MAPKAPK3: variants seen among roughly 807,000 people sequenced by gnomAD.
The protein encoded by MAPKAPK3 is MAPK activated protein kinase 3.
In MAPKAPK3, 35 loss-of-function variants were observed where a neutral mutation model predicts 49.2. The observed-to-expected ratio is 0.71, with a 90% CI of 0.54 to 0.94. MAPKAPK3 has a LOEUF of 0.94. Among genes scored for constraint, MAPKAPK3 ranks in the 40% least tolerant of loss-of-function variants. The pLI, the probability that MAPKAPK3 is intolerant of heterozygous loss-of-function variation, is 0.00. For synonymous variants in MAPKAPK3, 178 were observed against 188.7 expected, an observed-to-expected ratio of 0.94 and a Z score of 0.46; for missense variants, 398 against 493.1, an observed-to-expected ratio of 0.81 and a Z score of 1.83.
At chr3:50,645,584 C>A (rs535832759) in intron 6 of MAPKAPK3, 126 bp from the exon 7 acceptor site, 26 of 672,706 alleles carry the variant, frequency 3.9e-5, no homozygotes, top group Non-Finnish European at 6.6e-5. Flanking sequence ...AGGTGCCAGA[C>A]GCCAGTCTGC....
At chr3:50,624,134 T>C (rs1327982420) in intron 2 of MAPKAPK3, among the ~76,000 whole-genome samples, 1 of 152,042 alleles carries the variant, frequency 6.6e-6, no homozygotes, top group African/African-American at 2.4e-5. Context: ...AGTGGGCGAG[T>C]GGAAACTGTA....
At position 50,638,094 on chromosome 3, in the gene MAPKAPK3, T is replaced by C. The variant is rs190529396; in HGVS notation, c.220-2272T>C. Reference sequence around the variant, plus strand: ...TAATGAAAGCATTCCAGCTGTGAGCTTGGACTTTTAAGAGAGAAGAGGAGG... The same window carrying C: ...TAATGAAAGCATTCCAGCTGTGAGCCTGGACTTTTAAGAGAGAAGAGGAGG... On this transcript the variant is annotated intron_variant, in intron 2 of 10. Coordinates refer to ENST00000621469, the MANE Select transcript of MAPKAPK3 (RefSeq NM_001243925.2). 3.3e-5 allele frequency among the ~76,000 whole-genome samples: 5 copies of C among 152,170 alleles called. No homozygotes were observed. In the East Asian group the frequency reaches 7.8e-4, roughly 24 times the overall value.
At chr3:50,647,728 G>A (rs1184880884) in intron 10 of MAPKAPK3, among the ~76,000 whole-genome samples, 166 bp from the exon 11 acceptor site, 2 of 152,266 alleles carry the variant, frequency 1.3e-5, no homozygotes, top group Non-Finnish European at 2.9e-5. Flanking sequence ...GGACGGTAGT[G>A]AGGATCATGT....
upstream of MAPKAPK3, among the ~76,000 whole-genome samples, chr3:50,614,500 A>AGTGTGTGTGT (rs3066739): frequency 0.013 from 1,860 of 138,902 alleles, 37 homozygotes; most frequent in African/African-American, 0.031. Context: ...GTAAGGACAG[A>AGTGTGTGTGT]GTGTGTGTGT....
intron 2 of MAPKAPK3, among the ~76,000 whole-genome samples, chr3:50,625,932 G>A (rs1232771537): frequency 1.3e-5 from 2 of 152,088 alleles, no homozygotes; most frequent in Non-Finnish European, 1.5e-5. Flanking sequence ...TGGGGGTGGG[G>A]AAGGAAGGAG....
intron 2 of MAPKAPK3, among the ~76,000 whole-genome samples, chr3:50,623,094 T>A (rs1255302552): frequency 6.6e-6 from 1 of 152,200 alleles, no homozygotes; most frequent in Non-Finnish European, 1.5e-5. Flanking sequence ...TCCCCTCACC[T>A]ACCATCTCCA....
At chr3:50,620,661 A>AGCCCCTTT (rs1462401144) in intron 2 of MAPKAPK3, among the ~76,000 whole-genome samples, 4 of 152,272 alleles carry the variant, frequency 2.6e-5, no homozygotes, top group Admixed American at 6.5e-5. Context: ...GCTTTCCCTT[A>AGCCCCTTT]GCCCCTGACC....
upstream of MAPKAPK3, chr3:50,612,492 A>G (rs2032360371): frequency 6.6e-6 from 1 of 152,300 alleles, no homozygotes. Flanking sequence ...ACTGAGGTCA[A>G]GCCGGCGGTC....
At chr3:50,637,697 GA>G in intron 2 of MAPKAPK3, among the ~76,000 whole-genome samples, 1 of 8,026 alleles carries the variant, frequency 1.2e-4, no homozygotes, top group Non-Finnish European at 8.3e-4. Context: ...GAGAGAAAGA[GA>G]GAGAGAGAGA....
At chr3:50,627,000 G>T (rs776954627) in intron 2 of MAPKAPK3, among the ~76,000 whole-genome samples, 1 of 152,132 alleles carries the variant, frequency 6.6e-6, no homozygotes, top group South Asian at 2.1e-4. Context: ...CGAGATCAGC[G>T]TGGTGAAACC....
Position 50,646,840 on chromosome 3 carries a change from C to T in MAPKAPK3, c.915+15C>T. On this transcript the variant is annotated intron_variant, in intron 9 of 10. Coordinates refer to ENST00000621469, the MANE Select transcript of MAPKAPK3 (RefSeq NM_001243925.2). Reference sequence around the variant, plus strand: ...CCTGGATCAACGTGAGCCCCTCCTCCTCCCATGGCAGGCAGGGTGTCCAAC... The same window carrying T: ...CCTGGATCAACGTGAGCCCCTCCTCTTCCCATGGCAGGCAGGGTGTCCAAC... 1 of 1,612,930 alleles carries T rather than the reference C, an allele frequency of 6.2e-7. No homozygotes were observed. Among genetic ancestry groups the T allele is most frequent in the Non-Finnish European group, 8.5e-7 (1 of 1,179,024 alleles).
chr3:50,643,105 G>A (rs1039402616), intron 5 of MAPKAPK3, among the ~76,000 whole-genome samples: 4 of 152,140 alleles, frequency 2.6e-5, no homozygotes, highest in Admixed American at 6.5e-5. Context: ...GCCCGCCTCG[G>A]CCTCGAAAAG....
chr3:50,646,686 G>A lies in MAPKAPK3; in HGVS notation c.830-54G>A. The A allele has an allele frequency of 4.7e-6, 7 of 1,502,336 alleles. No homozygotes were observed. In the South Asian group the frequency reaches 5.7e-5, roughly 12 times the overall value. 93.1% of individuals were successfully genotyped at this position (1,502,336 alleles called of 1,614,324 possible). ...GAGCTTGTGGTCTGTGGGGAAGGGT[G>A]GAGGGGCTGGCTCTGCAATCTCATC... On this transcript the variant is annotated intron_variant, in intron 8 of 10. Transcript: ENST00000621469.
chr3:50,640,470 C>T lies in MAPKAPK3; in HGVS notation c.324C>T (p.His108=), dbSNP rs1275434795. The T allele has an allele frequency of 6.2e-7, 1 of 1,613,870 alleles. No individual in the cohort carries two copies. The highest frequency in any genetic ancestry group is 1.1e-5 in the South Asian group (1 of 91,066). The change falls in exon 3 of 11, where the codon CAC becomes CAT. Residue 108 remains histidine (H), a synonymous_variant. Coordinates refer to ENST00000621469, the MANE Select transcript of MAPKAPK3 (RefSeq NM_001243925.2). ...VCILDVYENM[H]HGKRCLLIIM... ...TCCTGGATGTGTATGAGAACATGCA[C>T]CATGGCAAGCGCTGTCTCCTCATCA...
intron 2 of MAPKAPK3, among the ~76,000 whole-genome samples, chr3:50,629,642 G>A (rs566322353): frequency 5.9e-5 from 9 of 152,206 alleles, no homozygotes; most frequent in Non-Finnish European, 7.4e-5. Context: ...AGCTAGTCCT[G>A]CTGTGCATGG....
chr3:50,620,875 C>A (rs1184294029), intron 2 of MAPKAPK3, among the ~76,000 whole-genome samples: 1 of 152,204 alleles, frequency 6.6e-6, no homozygotes, highest in Non-Finnish European at 1.5e-5. Flanking sequence ...TGACCTCTTG[C>A]TTGTGCCCTC....
chr3:50,617,492 T>G, intron 1 of MAPKAPK3, 22 bp from the exon 2 acceptor site: 3 of 739,712 alleles, frequency 4.1e-6, no homozygotes, highest in Non-Finnish European at 2.3e-6. Flanking sequence ...TGGGCGGGAC[T>G]CACTCTTCCC....
intron 2 of MAPKAPK3, among the ~76,000 whole-genome samples, chr3:50,632,497 G>T (rs1432538117): frequency 1.3e-5 from 2 of 152,242 alleles, no homozygotes; most frequent in Admixed American, 6.5e-5. Context: ...AGGGCTTGCA[G>T]AAATAATGGT....
chr3:50,642,387 C>T, intron 5 of MAPKAPK3, 55 bp downstream of exon 5: 1 of 1,332,296 alleles, frequency 7.5e-7, no homozygotes, highest in Non-Finnish European at 1.1e-6. Flanking sequence ...TGTCCCACTC[C>T]ACAATCCCTG....
Sources: gnomAD v4.1 joint callset for allele counts (sites outside exome capture counted in the v4.1 genomes callset) on GRCh38, gnomAD v4.1.1 for gene constraint, MANE v1.5 for transcripts, NCBI Gene and HGNC (gene_info 2026-07-23, HGNC 2026-07-21) for gene names.